NBAS: variants seen among roughly 807,000 people sequenced by gnomAD.
NBAS encodes the protein NBAS subunit of NRZ tethering complex.
NBAS carries 219 observed loss-of-function variants against 302.5 expected under a neutral mutation model. The ratio of observed to expected loss-of-function variants is 0.72; its 90% CI spans 0.65 to 0.81. The LOEUF is 0.81. NBAS is among the 30% of genes least tolerant of loss of function. NBAS has a pLI of 0.00. For synonymous variants in NBAS, 1,118 were observed against 1,021.6 expected (o/e 1.09, Z -1.80); for missense variants, 2,932 against 2,841.6 (o/e 1.03, Z -0.72).
chr2:15,176,959 GCA>G (rs1426232498), intron 51 of NBAS, among the ~76,000 whole-genome samples: 1 of 152,208 alleles, frequency 6.6e-6, no homozygotes, highest in Non-Finnish European at 1.5e-5. Context: ...TCTGGGGACT[GCA>G]AAAGGTCTTT....
rs569434907 is a variant in NBAS, at chr2:15,248,524, C to T, written c.5725-9838G>A. ...TTCAAAAAATCAATGAATCCAGGAG[C>T]TGGTATTTTGAAAAGATCAACAAAA... On this transcript the variant is annotated intron_variant, in intron 44 of 51. Coordinates refer to ENST00000281513, the MANE Select transcript of NBAS (RefSeq NM_015909.4). Among the ~76,000 whole-genome samples the T allele has an allele frequency of 3.9e-5, 6 of 152,190 alleles. No individual in the cohort carries two copies. In the South Asian group the frequency reaches 1.2e-3, roughly 32 times the overall value.
chr2:15,014,512 C>T, the NBAS span, among the ~76,000 whole-genome samples: 36 of 152,072 alleles, frequency 2.4e-4, no homozygotes, highest in African/African-American at 8.2e-4. Flanking sequence ...GGAAATTCAA[C>T]ATGTTCCTGA....
intron 50 of NBAS, among the ~76,000 whole-genome samples, chr2:15,186,472 G>A (rs1665092404): frequency 6.6e-6 from 1 of 152,054 alleles, no homozygotes. Context: ...ATAAACTTGA[G>A]TTTGACAAAA....
the NBAS span, among the ~76,000 whole-genome samples, chr2:14,964,833 G>A: frequency 1.3e-5 from 2 of 152,110 alleles, no homozygotes; most frequent in African/African-American, 2.4e-5. Flanking sequence ...GTCACACAAA[G>A]TATGTTGTCC....
chr2:14,836,712 C>T, the NBAS span, among the ~76,000 whole-genome samples: 1 of 151,728 alleles, frequency 6.6e-6, no homozygotes. Context: ...CATAATTCTG[C>T]GTACAGTCAC....
At chr2:15,194,134 TA>T (rs1319690726) in intron 48 of NBAS, among the ~76,000 whole-genome samples, 3 of 152,020 alleles carry the variant, frequency 2.0e-5, no homozygotes, top group African/African-American at 7.3e-5. Flanking sequence ...AGCGTGAAGC[TA>T]AAAGATATTA....
chr2:15,457,854 A>G (rs1679320121), intron 21 of NBAS, among the ~76,000 whole-genome samples: 1 of 152,210 alleles, frequency 6.6e-6, no homozygotes, highest in South Asian at 2.1e-4. Context: ...GTAAAGCTTC[A>G]ATTAGAATAA....
chr2:14,796,354 C>G, the NBAS span, among the ~76,000 whole-genome samples: 1 of 152,162 alleles, frequency 6.6e-6, no homozygotes, highest in Non-Finnish European at 1.5e-5. Context: ...AATTTTGGAA[C>G]CAAGCTGTTA....
intron 9 of NBAS, among the ~76,000 whole-genome samples, chr2:15,532,761 G>A (rs1224159161): frequency 6.6e-6 from 1 of 151,820 alleles, no homozygotes; most frequent in Non-Finnish European, 1.5e-5. Context: ...TTGGGTGGAG[G>A]AGTCAGTTTT....
At chr2:14,820,484 A>C in the NBAS span, among the ~76,000 whole-genome samples, 5 of 152,196 alleles carry the variant, frequency 3.3e-5, no homozygotes, top group African/African-American at 1.2e-4. Flanking sequence ...ACTCATGGTC[A>C]TAGAGAGTAG....
intron 14 of NBAS, among the ~76,000 whole-genome samples, chr2:15,475,479 G>A (rs568475741): frequency 1.3e-5 from 2 of 152,142 alleles, no homozygotes; most frequent in Admixed American, 6.5e-5. Flanking sequence ...TTTATACAGA[G>A]CAAAATGACA....
chr2:15,356,836 T>C (rs1043316266), intron 32 of NBAS, among the ~76,000 whole-genome samples: 7 of 152,190 alleles, frequency 4.6e-5, no homozygotes, highest in Admixed American at 1.3e-4. Context: ...CTTCTCATCA[T>C]AAAAATTCAA....
At chr2:15,298,205 G>A (rs1012347477) in intron 40 of NBAS, among the ~76,000 whole-genome samples, 2 of 152,092 alleles carry the variant, frequency 1.3e-5, no homozygotes, top group Non-Finnish European at 2.9e-5. Flanking sequence ...GAAGGTGGTG[G>A]TTAGGGAAAT....
the NBAS span, among the ~76,000 whole-genome samples, chr2:14,813,685 A>C: frequency 6.6e-6 from 1 of 152,354 alleles, no homozygotes; most frequent in African/African-American, 2.4e-5. Context: ...CTTATATGTA[A>C]AAGTTTGGAA....
intron 42 of NBAS, among the ~76,000 whole-genome samples, chr2:15,282,833 A>G (rs1219630079): frequency 1.3e-5 from 2 of 152,110 alleles, no homozygotes; most frequent in East Asian, 1.9e-4. Flanking sequence ...TCCCAGCCAC[A>G]ATGGTCTTCC....
the NBAS span, among the ~76,000 whole-genome samples, chr2:14,858,848 T>C: frequency 6.6e-6 from 1 of 152,056 alleles, no homozygotes; most frequent in Non-Finnish European, 1.5e-5. Flanking sequence ...ACACAAAGGA[T>C]TAATGCTTGA....
At chr2:15,334,462 A>G (rs1276898573) in intron 35 of NBAS, among the ~76,000 whole-genome samples, 2 of 152,268 alleles carry the variant, frequency 1.3e-5, no homozygotes, top group African/African-American at 4.8e-5. Flanking sequence ...TGCTGGGATT[A>G]CAGGTGTCAG....
At chr2:15,522,304 G>T (rs1179281297) in intron 9 of NBAS, among the ~76,000 whole-genome samples, 2 of 152,128 alleles carry the variant, frequency 1.3e-5, no homozygotes, top group African/African-American at 2.4e-5. Flanking sequence ...TAAAGAAGAA[G>T]AATCAATAAG....
chr2:14,899,093 T>C, the NBAS span, among the ~76,000 whole-genome samples: 3 of 152,152 alleles, frequency 2.0e-5, no homozygotes, highest in Admixed American at 2.0e-4. Context: ...ACTTCTTAGG[T>C]GGCAGCTCTG....
Sources: gnomAD v4.1 joint callset for allele counts (sites outside exome capture counted in the v4.1 genomes callset) on GRCh38, gnomAD v4.1.1 for gene constraint, MANE v1.5 for transcripts, NCBI Gene and HGNC (gene_info 2026-07-23, HGNC 2026-07-21) for gene names.